The following DUSP14 variants were observed in gnomAD, a reference collection of about 807,000 sequenced individuals.
DUSP14 encodes the protein dual specificity phosphatase 14.
DUSP14 carries 5 observed loss-of-function variants against 13.2 expected under a neutral mutation model. That is an observed-to-expected ratio of 0.38 (90% CI 0.20 to 0.80). The LOEUF is 0.80. Ranked by LOEUF, DUSP14 falls within the 30% of genes least tolerant of loss-of-function variation. DUSP14 has a pLI of 0.44. For synonymous variants in DUSP14, 91 were observed against 103.4 expected (o/e 0.88, Z 0.73); for missense variants, 185 against 264.0 (o/e 0.70, Z 2.07).
Position 37,513,240 on chromosome 17 carries a change from T to C in DUSP14, c.*371T>C. On this transcript the variant is annotated 3_prime_UTR_variant, in exon 3 of 3. Transcript: ENST00000617516. ...AATCACTTTGGGGCCTCATTAACCC[T>C]TTAGAGACAAGCTTTGCCCCAGGCT... 4.5e-6 allele frequency: 1 copy of C among 220,682 alleles called. No individual in the cohort carries two copies. The highest frequency in any genetic ancestry group is 9.7e-6 in the Non-Finnish European group (1 of 103,012). 13.7% of individuals were successfully genotyped at this position (220,682 alleles called of 1,614,324 possible). A position where few individuals can be genotyped will look rare whatever the true frequency, so the allele number is the denominator to read the frequency against.
At chr17:37,500,322 G>T (rs2054097056) in intron 1 of DUSP14, among the ~76,000 whole-genome samples, 1 of 152,218 alleles carries the variant, frequency 6.6e-6, no homozygotes, top group South Asian at 2.1e-4. Context: ...TAAGGATTTT[G>T]ATATGTCTGA....
At chr17:37,500,880 A>G (rs1384200472) in intron 1 of DUSP14, among the ~76,000 whole-genome samples, 1 of 152,162 alleles carries the variant, frequency 6.6e-6, no homozygotes, top group African/African-American at 2.4e-5. Context: ...GTAAAGCACA[A>G]TCACATCGAC....
intron 1 of DUSP14, among the ~76,000 whole-genome samples, chr17:37,505,048 T>C (rs946932219): frequency 1.3e-5 from 2 of 152,186 alleles, no homozygotes; most frequent in African/African-American, 4.8e-5. Flanking sequence ...CACACCACTA[T>C]GCCTGGCTGA....
Position 37,510,700 on chromosome 17 carries a change from C to A in DUSP14, c.-157C>A, listed in dbSNP as rs1469464150. ...AGATTTGATTTGTATCCACTGTCACCAGCACTGCTCACTTAGGACTTTCTG... is the reference window on the plus strand; with the variant it reads ...AGATTTGATTTGTATCCACTGTCACAAGCACTGCTCACTTAGGACTTTCTG... On this transcript the variant is annotated 5_prime_UTR_variant, in exon 2 of 3. Transcript: ENST00000617516. The A allele has an allele frequency of 6.6e-6, 1 of 152,204 alleles. No individual in the cohort carries two copies. The highest frequency in any genetic ancestry group is 1.5e-5 in the Non-Finnish European group (1 of 68,088). 9.4% of individuals were successfully genotyped at this position (152,204 alleles called of 1,614,324 possible).
chr17:37,506,943 C>T (rs891576253), intron 1 of DUSP14, among the ~76,000 whole-genome samples: 1 of 152,186 alleles, frequency 6.6e-6, no homozygotes, highest in African/African-American at 2.4e-5. Flanking sequence ...CACCCCCCCG[C>T]GTGTGTGGCA....
rs1230008437 is a variant in DUSP14 at position 37,504,892 on chromosome 17, TTTTTG to T, written c.-180-5780_-180-5776del. Among the ~76,000 whole-genome samples the T allele has an allele frequency of 6.6e-5, 10 of 151,982 alleles. 1 individual carries two copies. Among genetic ancestry groups the T allele is most frequent in the African/African-American group, 2.4e-4 (10 of 41,364 alleles). On this transcript the variant is annotated intron_variant, in intron 1 of 2. Coordinates refer to ENST00000617516, the MANE Select transcript of DUSP14 (RefSeq NM_007026.4). ...CACTGTGCCTGGCTGAAATTTTACT[TTTTTG>T]TTTTTATATTTTGCGACAGAGTCTT...
chr17:37,497,499 T>C (rs2054073566), intron 1 of DUSP14, among the ~76,000 whole-genome samples: 1 of 152,024 alleles, frequency 6.6e-6, no homozygotes, highest in Non-Finnish European at 1.5e-5. Context: ...TGGTGGCTCA[T>C]GCCTGTAATC....
intron 2 of DUSP14, among the ~76,000 whole-genome samples, chr17:37,511,937 A>AGTTTTGTTTTTTTTTTTTTTTT (rs1329764853): frequency 6.1e-5 from 1 of 16,442 alleles, no homozygotes; most frequent in Non-Finnish European, 1.2e-4. Context: ...CCCCCACCCC[A>AGTTTTGTTTTTTTTTTTTTTTT]CTTTTTTTTT....
At chr17:37,499,778 C>T (rs995862243) in intron 1 of DUSP14, among the ~76,000 whole-genome samples, 4 of 152,172 alleles carry the variant, frequency 2.6e-5, no homozygotes, top group Non-Finnish European at 5.9e-5. Context: ...GATCCACTCA[C>T]CTCGGCCTCC....
At position 37,493,672 on chromosome 17, in the gene DUSP14, C is replaced by T. The variant is rs867562853; in HGVS notation, c.-181+3714C>T. On this transcript the variant is annotated intron_variant, in intron 1 of 2. Transcript: ENST00000617516. ...TATCTAATGGAATCCTTTCATCAAT[C>T]TTTTTTTTTTTTTTTTGGAACAGAT... Among the ~76,000 whole-genome samples, 1,044 of 137,334 alleles carry T rather than the reference C, an allele frequency of 7.6e-3. 6 individuals carry two copies. Among genetic ancestry groups the T allele is most frequent in the African/African-American group, 0.026 (973 of 36,996 alleles). 90.1% of individuals were successfully genotyped at this position (137,334 alleles called of 152,430 possible).
Position 37,511,937 on chromosome 17 carries a change from A to AGT in DUSP14, c.-92-244_-92-243insGT, listed in dbSNP as rs1329764853. Among the ~76,000 whole-genome samples, 30 of 16,436 alleles carry AGT rather than the reference A, an allele frequency of 1.8e-3. 5 individuals carry two copies. Among genetic ancestry groups the AGT allele is most frequent in the African/African-American group, 3.9e-3 (19 of 4,832 alleles). The allele number at this position is 16,436 out of a possible 152,430, so 10.8% of individuals were successfully genotyped here. A position where few individuals can be genotyped will look rare whatever the true frequency, so the allele number is the denominator to read the frequency against. On this transcript the variant is annotated intron_variant, in intron 2 of 2. Transcript: ENST00000617516. ...TGCCCAGCCACCCCCCCCCCACCCC[A>AGT]CTTTTTTTTTTTTTTTTTTGGACAA...
chr17:37,501,053 G>C (rs2054101977), intron 1 of DUSP14, among the ~76,000 whole-genome samples: 1 of 152,148 alleles, frequency 6.6e-6, no homozygotes, highest in Non-Finnish European at 1.5e-5. Context: ...GACGGTTCTG[G>C]TCCCAGTGGG....
Position 37,512,980 on chromosome 17 carries a change from G to GTTT in DUSP14, c.*115_*117dup, listed in dbSNP as rs916867180. 6.5e-6 allele frequency: 6 copies of GTTT among 922,446 alleles called. No homozygotes were observed. In the African/African-American group the frequency reaches 1.0e-4, roughly 15 times the overall value. The allele number at this position is 922,446 out of a possible 1,614,324, so 57.1% of individuals were successfully genotyped here. On this transcript the variant is annotated 3_prime_UTR_variant, in exon 3 of 3. Transcript: ENST00000617516. The surrounding 1 kb of genome is among the most constrained non-coding windows in gnomAD (Gnocchi z 4.8). ...GCTGACTTCTGGTTCTCCCTCAAGT[G>GTTT]TTTTTTACACTGGGTGTTCAAATTT...
Position 37,511,585 on chromosome 17 carries a change from C to CTTTTTTTTTTTT in DUSP14, c.-92-589_-92-578dup, listed in dbSNP as rs533256343. On this transcript the variant is annotated intron_variant, in intron 2 of 2. Coordinates refer to ENST00000617516, the MANE Select transcript of DUSP14 (RefSeq NM_007026.4). Reference sequence around the variant, plus strand: ...CATGAGCTACCTCACCTGGCCTTTCCTTTTTTTTTTTTTTTTTTAGAAGCT... The same window carrying CTTTTTTTTTTTT: ...CATGAGCTACCTCACCTGGCCTTTCCTTTTTTTTTTTTTTTTTTTTTTTTTTTTTTAGAAGCT... Among the ~76,000 whole-genome samples the CTTTTTTTTTTTT allele has an allele frequency of 7.1e-4, 62 of 87,298 alleles. 7 individuals are homozygous for CTTTTTTTTTTTT. The highest frequency in any genetic ancestry group is 1.7e-3 in the African/African-American group (32 of 19,082). 57.3% of individuals were successfully genotyped at this position (87,298 alleles called of 152,430 possible). A position where few individuals can be genotyped will look rare whatever the true frequency, so the allele number is the denominator to read the frequency against.
chr17:37,498,922 G>A (rs983215144), intron 1 of DUSP14, among the ~76,000 whole-genome samples: 3 of 152,140 alleles, frequency 2.0e-5, no homozygotes, highest in African/African-American at 4.8e-5. Flanking sequence ...TGATTCTCGT[G>A]TAGGACTCCT....
At chr17:37,497,640 G>A (rs1039492855) in intron 1 of DUSP14, among the ~76,000 whole-genome samples, 3 of 151,462 alleles carry the variant, frequency 2.0e-5, no homozygotes, top group Non-Finnish European at 4.4e-5. Context: ...CATGGCTATC[G>A]TTACAGCTAC....
At chr17:37,489,338 C>A (rs1221135840), upstream of DUSP14, among the ~76,000 whole-genome samples, 3 of 152,100 alleles carry the variant, frequency 2.0e-5, no homozygotes, top group Non-Finnish European at 2.9e-5. Flanking sequence ...TCGGGCGCCA[C>A]GGCTGCCCGT....
intron 1 of DUSP14, among the ~76,000 whole-genome samples, chr17:37,492,399 C>T (rs1317779271): frequency 6.6e-6 from 1 of 152,244 alleles, no homozygotes; most frequent in East Asian, 1.9e-4. Context: ...GAAAGCTTCA[C>T]TTCACCTGGG....
chr17:37,508,715 C>T (rs1455037068), intron 1 of DUSP14, among the ~76,000 whole-genome samples: 1 of 150,028 alleles, frequency 6.7e-6, no homozygotes, highest in Non-Finnish European at 1.5e-5. Flanking sequence ...GCCTGGGTGA[C>T]AGAGCCAGAC....
Sources: allele counts gnomAD v4.1 joint callset (sites outside exome capture counted in the v4.1 genomes callset), GRCh38; gene constraint gnomAD v4.1.1; non-coding constraint Gnocchi (gnomAD v3.1); transcripts MANE v1.5; gene names NCBI Gene and HGNC (gene_info 2026-07-23, HGNC 2026-07-21).